Variants in PRORP observed in about 807,000 individuals in gnomAD.
PRORP encodes mitochondrial ribonuclease P catalytic subunit.
A neutral mutation model predicts 59.4 loss-of-function variants in PRORP; 51 were observed. That is an observed-to-expected ratio of 0.86 (90% CI 0.69 to 1.08). PRORP has a LOEUF of 1.08. Ranked by LOEUF, PRORP falls within the 50% of genes least tolerant of loss-of-function variation. The pLI is 0.00. For missense variants in PRORP, 646 were observed against 690.3 expected (o/e 0.94, Z 0.72); for synonymous variants, 231 against 245.6 (o/e 0.94, Z 0.55).
At chr14:35,158,046 T>C in intron 4 of PRORP, 1 of 232,766 alleles carries the variant, frequency 4.3e-6, no homozygotes, top group Non-Finnish European at 9.0e-6. Context: ...TTCTTTTTCA[T>C]TTGCTCATGG....
chr14:35,153,049 G>A (rs12886942), intron 4 of PRORP, among the ~76,000 whole-genome samples: 5 of 151,108 alleles, frequency 3.3e-5, no homozygotes, highest in South Asian at 2.1e-4. Context: ...CGGCTGGGAG[G>A]TGGAGGTTGT....
chr14:35,166,790 A>T (rs2048195803), intron 4 of PRORP, among the ~76,000 whole-genome samples: 1 of 152,106 alleles, frequency 6.6e-6, no homozygotes, highest in Non-Finnish European at 1.5e-5. Flanking sequence ...CGTATCTTTC[A>T]TTGGCCTGTG....
At position 35,123,311 on chromosome 14, in the gene PRORP, A is replaced by AGGCCCAG. The variant is rs2046988028; in HGVS notation, c.70_76dup (p.His26ProfsTer26). The AGGCCCAG allele has an allele frequency of 6.2e-7, 1 of 1,613,786 alleles. No individual in the cohort carries two copies. Among genetic ancestry groups the AGGCCCAG allele is most frequent in the African/African-American group, 1.3e-5 (1 of 74,932 alleles). On this transcript the variant is annotated frameshift_variant, in exon 2 of 8. Coordinates refer to ENST00000534898, the MANE Select transcript of PRORP (RefSeq NM_014672.4). LOFTEE classifies it high-confidence loss of function. ...TTTGGAAGAGCCCATACCTTGGGCT[A>AGGCCCAG]GGCCCAGGGCACTCTTATGTCTCGC...
intron 4 of PRORP, among the ~76,000 whole-genome samples, chr14:35,146,946 A>G (rs1388887681): frequency 6.6e-6 from 1 of 151,852 alleles, no homozygotes; most frequent in African/African-American, 2.4e-5. Flanking sequence ...TTTTTTTTTT[A>G]GTTAGCTCGG....
intron 4 of PRORP, among the ~76,000 whole-genome samples, chr14:35,163,934 G>A (rs886146659): frequency 2.6e-5 from 4 of 152,266 alleles, no homozygotes; most frequent in South Asian, 2.1e-4. Context: ...TCCATCTTGA[G>A]TTAATTTTGA....
intron 5 of PRORP, among the ~76,000 whole-genome samples, chr14:35,263,779 C>T (rs1334197252): frequency 6.6e-6 from 1 of 152,156 alleles, no homozygotes; most frequent in Non-Finnish European, 1.5e-5. Flanking sequence ...TACCATGTGC[C>T]TTACACATAG....
chr14:35,249,675 A>G (rs939971437), intron 5 of PRORP, among the ~76,000 whole-genome samples: 1 of 152,176 alleles, frequency 6.6e-6, no homozygotes, highest in Middle Eastern at 3.2e-3. Flanking sequence ...TAGTCTCCCA[A>G]ACAATTGTAG....
intron 5 of PRORP, among the ~76,000 whole-genome samples, chr14:35,204,509 C>A (rs2049241007): frequency 6.6e-6 from 1 of 152,170 alleles, no homozygotes; most frequent in Non-Finnish European, 1.5e-5. Flanking sequence ...ATCTGAACAT[C>A]CTAATCATTT....
At chr14:35,150,965 C>G (rs2047730627) in intron 4 of PRORP, among the ~76,000 whole-genome samples, 1 of 152,176 alleles carries the variant, frequency 6.6e-6, no homozygotes, top group Non-Finnish European at 1.5e-5. Flanking sequence ...ATCTTTCTTA[C>G]AGCGAGTGAT....
chr14:35,259,649 G>A (rs1442106613), intron 5 of PRORP, among the ~76,000 whole-genome samples: 1 of 152,046 alleles, frequency 6.6e-6, no homozygotes, highest in Non-Finnish European at 1.5e-5. Flanking sequence ...CCAGCACTTT[G>A]GGAGGCTGAG....
Position 35,273,802 on chromosome 14 carries a change from G to A in PRORP, c.*236G>A, listed in dbSNP as rs2051256869. The A allele has an allele frequency of 1.0e-5, 3 of 296,158 alleles. No individual in the cohort carries two copies. The highest frequency in any genetic ancestry group is 6.6e-5 in the African/African-American group (3 of 45,664). The allele number at this position is 296,158 out of a possible 1,614,324, so 18.3% of individuals were successfully genotyped here. On this transcript the variant is annotated 3_prime_UTR_variant, in exon 8 of 8. Coordinates refer to ENST00000534898, the MANE Select transcript of PRORP (RefSeq NM_014672.4). ...ATCAAGAGTTGGAGAACTTAGTGTAGAGCAAAACCTGCATTTCTCCTACTG... is the reference window on the plus strand; with the variant it reads ...ATCAAGAGTTGGAGAACTTAGTGTAAAGCAAAACCTGCATTTCTCCTACTG...
chr14:35,160,498 G>A (rs1414118655), intron 4 of PRORP, among the ~76,000 whole-genome samples: 2 of 151,976 alleles, frequency 1.3e-5, no homozygotes, highest in African/African-American at 4.8e-5. Flanking sequence ...ACTAAAAGAG[G>A]ACAAAAATTG....
intron 4 of PRORP, among the ~76,000 whole-genome samples, chr14:35,174,236 C>T (rs752583397): frequency 1.3e-5 from 2 of 151,836 alleles, no homozygotes; most frequent in African/African-American, 2.4e-5. Flanking sequence ...ATGTCATGTC[C>T]CCTCCAGTTT....
At position 35,266,752 on chromosome 14, in the gene PRORP, C is replaced by A. The variant is rs144536804; in HGVS notation, c.1301C>A (p.Ala434Asp). 5.0e-4 allele frequency: 804 copies of A among 1,614,022 alleles called. 5 individuals carry two copies. The African/African-American group carries it at 9.9e-3, about 20-fold the overall frequency. Reference protein sequence around the residue: ...QLLLNVVSQLAKRNLRLLVLG... With the variant: ...QLLLNVVSQLDKRNLRLLVLG... Reference sequence around the variant, plus strand: ...CTCTTGAATGTCGTCTCTCAACTAGCCAAACGGAATCTGCGACTGCTGGTC... The same window carrying A: ...CTCTTGAATGTCGTCTCTCAACTAGACAAACGGAATCTGCGACTGCTGGTC... The change falls in exon 6 of 8, where the codon GCC becomes GAC. Residue 434 changes from alanine (A) to aspartate (D), a missense_variant. Ala to Asp is a moderately radical substitution (Grantham distance 126). Transcript: ENST00000534898.
rs779202667 is a variant in PRORP at position 35,126,762 on chromosome 14, A to G, written c.1014A>G (p.Gln338=). The part of the protein sequence containing the change: ...ESVPGKQWKG[Q]FTTVRKSGQC... ...TTCCTGGAAAACAATGGAAAGGACA[A>G]TTCACCACAGTCCGAAAAAGGTGAA... Residue 338 remains glutamine (Q), a synonymous_variant, in exon 3 of 8, where the codon CAA becomes CAG. Coordinates refer to ENST00000534898, the MANE Select transcript of PRORP (RefSeq NM_014672.4). 6.2e-7 allele frequency: 1 copy of G among 1,610,798 alleles called. No homozygotes were observed. The highest frequency in any genetic ancestry group is 8.5e-7 in the Non-Finnish European group (1 of 1,178,232).
chr14:35,219,738 T>A (rs2049722639), intron 5 of PRORP, among the ~76,000 whole-genome samples: 2 of 148,754 alleles, frequency 1.3e-5, no homozygotes, highest in Admixed American at 6.8e-5. Context: ...TACTTAATAT[T>A]TGCTTGTATC....
chr14:35,213,113 G>T (rs893050424), intron 5 of PRORP, among the ~76,000 whole-genome samples: 4 of 152,166 alleles, frequency 2.6e-5, no homozygotes, highest in Admixed American at 2.0e-4. Flanking sequence ...TCATAGAATT[G>T]AAGAGAGTTT....
At chr14:35,122,256 T>C (rs1005579081), upstream of PRORP, 1 of 415,230 alleles carries the variant, frequency 2.4e-6, no homozygotes, top group Non-Finnish European at 4.5e-6. Flanking sequence ...TAAGCCCGCG[T>C]TTTCCTTTAT....
chr14:35,182,265 C>G (rs1221658976), intron 5 of PRORP, among the ~76,000 whole-genome samples: 1 of 151,722 alleles, frequency 6.6e-6, no homozygotes, highest in Admixed American at 6.6e-5. Flanking sequence ...GACTACATCT[C>G]AAAAAATAAA....
Sources: gnomAD v4.1 joint callset for allele counts (sites outside exome capture counted in the v4.1 genomes callset) on GRCh38, gnomAD v4.1.1 for gene constraint, MANE v1.5 for transcripts, NCBI Gene and HGNC (gene_info 2026-07-23, HGNC 2026-07-21) for gene names.